Variants in ABCA8 observed in about 807,000 individuals in gnomAD.
The protein encoded by ABCA8 is ABC-type organic anion transporter ABCA8.
A neutral mutation model predicts 192.3 loss-of-function variants in ABCA8; 177 were observed. The observed-to-expected ratio is 0.92, with a 90% confidence interval of 0.81 to 1.04. The LOEUF is 1.04. Ranked by LOEUF, ABCA8 falls within the 50% of genes least tolerant of loss-of-function variation. The pLI is 0.00. For synonymous variants in ABCA8, 642 were observed against 690.2 expected, an observed-to-expected ratio of 0.93 and a Z score of 1.09; for missense variants, 1,915 against 1,904.8, an observed-to-expected ratio of 1.01 and a Z score of -0.10.
At chr17:68,932,601 T>C in intron 6 of ABCA8, 87 bp from the exon 7 acceptor site, 1 of 984,090 alleles carries the variant, frequency 1.0e-6, no homozygotes. Context: ...TGTGGATGTA[T>C]GATTGGCCTA....
chr17:68,951,356 T>G (rs902511588), intron 1 of ABCA8, among the ~76,000 whole-genome samples: 1 of 152,252 alleles, frequency 6.6e-6, no homozygotes, highest in Non-Finnish European at 1.5e-5. Flanking sequence ...AGATACTGCT[T>G]CTTTAAAATT....
chr17:68,932,424 T>C lies in ABCA8; in HGVS notation c.661A>G (p.Ile221Val). 6.2e-7 allele frequency: 1 copy of C among 1,614,050 alleles called. No individual in the cohort carries two copies. The highest frequency in any genetic ancestry group is 8.5e-7 in the Non-Finnish European group (1 of 1,179,898). The change falls in exon 7 of 40, where the codon ATA (isoleucine) becomes GTA (valine). Residue 221 changes from isoleucine to valine, a missense_variant. Coordinates refer to ENST00000586539, the MANE Select transcript of ABCA8 (RefSeq NM_001288985.2). ...MHSFIGQSGV[I>V]TDLYLFSCII... ...CAGGAAAAAAGGTACAAATCAGTTA[T>C]AACTCCTGATTGACCAATGAAGGAA...
intron 17 of ABCA8, among the ~76,000 whole-genome samples, chr17:68,915,675 TG>T (rs2067337881): frequency 6.6e-6 from 1 of 152,086 alleles, no homozygotes; most frequent in Admixed American, 6.6e-5. Flanking sequence ...ACTCTGTTGG[TG>T]GGAATGTAAA....
At chr17:68,901,146 T>C (rs938972810) in intron 21 of ABCA8, among the ~76,000 whole-genome samples, 2 of 152,322 alleles carry the variant, frequency 1.3e-5, no homozygotes, top group African/African-American at 4.8e-5. Context: ...TCTGAGCATA[T>C]CTGTAAATAT....
chr17:68,953,536 A>G (rs1381370904), intron 1 of ABCA8, among the ~76,000 whole-genome samples: 1 of 152,144 alleles, frequency 6.6e-6, no homozygotes, highest in Admixed American at 6.5e-5. Context: ...TAGAAGAAGA[A>G]CCTACACATG....
At chr17:68,946,228 C>T (rs941322456) in intron 2 of ABCA8, among the ~76,000 whole-genome samples, 1 of 151,978 alleles carries the variant, frequency 6.6e-6, no homozygotes, top group Non-Finnish European at 1.5e-5. Flanking sequence ...CCACCATGCC[C>T]AGCTAATTTT....
chr17:68,875,276 C>T lies in ABCA8; in HGVS notation c.4615G>A (p.Ala1539Thr), dbSNP rs575997006. The change falls in exon 37 of 40, where the codon GCT (alanine) becomes ACT (threonine). Residue 1539 changes from alanine (A) to threonine (T), a missense_variant. Physicochemically the swap from Ala to Thr is moderately conservative, Grantham distance 58. Coordinates refer to ENST00000586539, the MANE Select transcript of ABCA8 (RefSeq NM_001288985.2). ...HAEILRLFPQ[A>T]ARQERYSSLM... ...CATGTTTACCTTTCCTGCCGAGCAG[C>T]CTGGGGGAAAAGCCTCAGGATCTCT... The T allele has an allele frequency of 6.2e-7, 1 of 1,613,872 alleles. No homozygotes were observed. The highest frequency in any genetic ancestry group is 1.3e-5 in the African/African-American group (1 of 75,038).
In ABCA8 at chr17:68,911,321, G is replaced by A. The variant is rs1017564015; in HGVS notation, c.2139-3442C>T. Among the ~76,000 whole-genome samples, 1 of 152,114 alleles carries A rather than the reference G, an allele frequency of 6.6e-6. No homozygotes were observed. The highest frequency in any genetic ancestry group is 1.5e-5 in the Non-Finnish European group (1 of 67,998). ...CAGGCAGTACTCGCTGCAGGCCTGG[G>A]GCAGTGGTGACTAGGGGGAGAGACT... On this transcript the variant is annotated intron_variant, in intron 17 of 39. Coordinates refer to ENST00000586539, the MANE Select transcript of ABCA8 (RefSeq NM_001288985.2). This position sits in a 1 kb window ranked among gnomAD's most constrained non-coding sequence, Gnocchi z 5.7.
chr17:68,876,639 T>G lies in ABCA8; in HGVS notation c.4264A>C (p.Ile1422Leu). Residue 1422 changes from isoleucine to leucine, a missense_variant, in exon 34 of 40, where the codon ATA becomes CTA. Coordinates refer to ENST00000586539, the MANE Select transcript of ABCA8 (RefSeq NM_001288985.2). ...KSPVKTLSEGIKRKLCFVLSI... is the reference protein window; with the variant it reads ...KSPVKTLSEGLKRKLCFVLSI... Reference sequence around the variant, plus strand: ...AGCCCTGCCCGTACCTTTCTCTTTATTCCCTCTGACAAGGTCTTCACGGGA... The same window carrying G: ...AGCCCTGCCCGTACCTTTCTCTTTAGTCCCTCTGACAAGGTCTTCACGGGA... 1 of 1,614,174 alleles carries G rather than the reference T, an allele frequency of 6.2e-7. No homozygotes were observed. Among genetic ancestry groups the G allele is most frequent in the South Asian group, 1.1e-5 (1 of 91,086 alleles).
In ABCA8 at chr17:68,875,500, T is replaced by G. The variant is rs900423171; in HGVS notation, c.4491-100A>C. ...GCTAGCATTGTCTCAAGGTCCCTAT[T>G]GTTAGACCTGGGCACAGTCATTTCA... On this transcript the variant is annotated intron_variant, in intron 36 of 39. Transcript: ENST00000586539. 1.9e-6 allele frequency: 3 copies of G among 1,592,468 alleles called. No homozygotes were observed. In the Admixed American group the frequency reaches 5.2e-5, roughly 27 times the overall value.
At chr17:68,923,539 T>G (rs2067605944) in intron 11 of ABCA8, among the ~76,000 whole-genome samples, 1 of 152,188 alleles carries the variant, frequency 6.6e-6, no homozygotes, top group African/African-American at 2.4e-5. Context: ...AAATTCCATT[T>G]TACTCTCATT....
At chr17:68,899,412 C>T (rs1212353048) in intron 21 of ABCA8, among the ~76,000 whole-genome samples, 1 of 151,900 alleles carries the variant, frequency 6.6e-6, no homozygotes, top group East Asian at 1.9e-4. Flanking sequence ...GAAGGTGGAA[C>T]AATACATCAT....
intron 17 of ABCA8, among the ~76,000 whole-genome samples, chr17:68,916,917 A>C (rs2067383714): frequency 6.6e-6 from 1 of 152,236 alleles, no homozygotes; most frequent in South Asian, 2.1e-4. Context: ...TTACATATAC[A>C]TACTAACTAG....
chr17:68,920,204 A>C (rs111881630), intron 13 of ABCA8, among the ~76,000 whole-genome samples: 2 of 152,172 alleles, frequency 1.3e-5, no homozygotes, highest in African/African-American at 4.8e-5. Flanking sequence ...AAATGATAAG[A>C]ACTTATGAAC....
chr17:68,921,435 G>T lies in ABCA8; in HGVS notation c.1559C>A (p.Ala520Asp). Residue 520 changes from alanine (A) to aspartate (D), a missense_variant, in exon 13 of 40, where the codon GCT becomes GAT. Transcript: ENST00000586539. The stretch of plus-strand genomic sequence containing the variant: ...AATGTTTAGCAGTGTTGACTTTCCA[G>T]CTCCACTGTGACCAAGTATTGCAGT... ...QITAILGHSGAGKSTLLNILS... is the reference protein window; with the variant it reads ...QITAILGHSGDGKSTLLNILS... 6.2e-7 allele frequency: 1 copy of T among 1,611,162 alleles called. No individual in the cohort carries two copies. Among genetic ancestry groups the T allele is most frequent in the Non-Finnish European group, 8.5e-7 (1 of 1,178,078 alleles).
At chr17:68,928,192 G>A (rs1051391069) in intron 9 of ABCA8, 129 bp from the exon 10 acceptor site, 4 of 682,660 alleles carry the variant, frequency 5.9e-6, no homozygotes, top group African/African-American at 1.9e-5. Context: ...TAGGGAGACT[G>A]CCTCCTTTAT....
chr17:68,924,864 A>G lies in ABCA8; in HGVS notation c.1279T>C (p.Tyr427His). 1 of 1,613,698 alleles carries G rather than the reference A, an allele frequency of 6.2e-7. No homozygotes were observed. Among genetic ancestry groups the G allele is most frequent in the African/African-American group, 1.3e-5 (1 of 75,026 alleles). ...IYFEKILPNE[Y>H]GHRRPPLFFL... ...AACAAAGGTGGACGTCGATGTCCAT[A>G]TTCATCTACATGGCCAGAAGACAAT... Residue 427 changes from tyrosine (Y) to histidine (H), a missense_variant, in exon 11 of 40, where the codon TAT becomes CAT. Physicochemically the swap from Tyr to His is moderately conservative, Grantham distance 83 (BLOSUM62 2). Coordinates refer to ENST00000586539, the MANE Select transcript of ABCA8 (RefSeq NM_001288985.2).
chr17:68,938,548 C>T (rs1217666131), intron 4 of ABCA8, among the ~76,000 whole-genome samples: 1 of 152,112 alleles, frequency 6.6e-6, no homozygotes, highest in Non-Finnish European at 1.5e-5. Flanking sequence ...TAGTCAGTAC[C>T]TTCTAAGTCA....
intron 2 of ABCA8, among the ~76,000 whole-genome samples, chr17:68,948,563 A>G (rs1040426847): frequency 4.6e-5 from 7 of 152,006 alleles, no homozygotes; most frequent in Admixed American, 1.3e-4. Context: ...GTGTCTGTTC[A>G]TATTTTGTGT....
Sources: gnomAD v4.1 joint callset for allele counts (sites outside exome capture counted in the v4.1 genomes callset) on GRCh38, gnomAD v4.1.1 for gene constraint, Gnocchi (gnomAD v3.1) non-coding constraint, MANE v1.5 for transcripts, NCBI Gene and HGNC (gene_info 2026-07-23, HGNC 2026-07-21) for gene names.